DPYD: variants seen among roughly 807,000 people sequenced by gnomAD.
DPYD encodes the protein dihydropyrimidine dehydrogenase [NADP(+)].
In DPYD, 109 loss-of-function variants were observed where a neutral mutation model predicts 116.2. That is an observed-to-expected ratio of 0.94 (90% CI 0.80 to 1.10). DPYD has a LOEUF of 1.10. DPYD is among the 50% of genes least tolerant of loss of function. DPYD has a pLI of 0.00. For missense variants in DPYD, 1,302 were observed against 1,254.5 expected, an observed-to-expected ratio of 1.04 and a Z score of -0.57; for synonymous variants, 440 against 432.0, an observed-to-expected ratio of 1.02 and a Z score of -0.23.
intron 1 of DPYD, among the ~76,000 whole-genome samples, chr1:97,906,512 C>G (rs777697079): frequency 6.6e-6 from 1 of 151,990 alleles, no homozygotes; most frequent in Non-Finnish European, 1.5e-5. Flanking sequence ...CAAGATACAG[C>G]AAGTACTTAA....
At position 97,291,683 on chromosome 1, in the gene DPYD, G is replaced by C. The variant is rs142183654; in HGVS notation, c.2299+13576C>G. Among the ~76,000 whole-genome samples, 1,053 of 151,444 alleles carry C rather than the reference G, an allele frequency of 7.0e-3. 11 individuals are homozygous for C. Among genetic ancestry groups the C allele is most frequent in the African/African-American group, 0.025 (1,013 of 41,284 alleles). ...ATGGGAACATCACACTCTGGGGACT[G>C]TTGTGGGGTGGGGGGAGTGGGGAGG... is the stretch of plus-strand genomic sequence containing the variant. On this transcript the variant is annotated intron_variant, in intron 18 of 22. Coordinates refer to ENST00000370192, the MANE Select transcript of DPYD (RefSeq NM_000110.4).
chr1:97,643,988 G>A (rs971399432), intron 8 of DPYD, among the ~76,000 whole-genome samples: 1 of 151,988 alleles, frequency 6.6e-6, no homozygotes, highest in African/African-American at 2.4e-5. Flanking sequence ...ATGTAGATGA[G>A]GGATTGATGG....
At chr1:97,436,777 T>C (rs1675495520) in intron 14 of DPYD, among the ~76,000 whole-genome samples, 2 of 152,004 alleles carry the variant, frequency 1.3e-5, no homozygotes, top group African/African-American at 4.8e-5. Context: ...AACTTCATGT[T>C]AATTCCCATG....
intron 13 of DPYD, among the ~76,000 whole-genome samples, chr1:97,476,027 A>G (rs1462039593): frequency 6.6e-6 from 1 of 152,232 alleles, no homozygotes; most frequent in Admixed American, 6.5e-5. Context: ...GTCATGGGCT[A>G]GCAAGGTAAC....
At chr1:97,642,859 T>C (rs764771246) in intron 8 of DPYD, among the ~76,000 whole-genome samples, 1 of 151,532 alleles carries the variant, frequency 6.6e-6, no homozygotes, top group Non-Finnish European at 1.5e-5. Flanking sequence ...TGTGCACATG[T>C]ACCCTAAAAC....
chr1:97,512,038 A>G (rs1006693060), intron 13 of DPYD, among the ~76,000 whole-genome samples: 1 of 151,886 alleles, frequency 6.6e-6, no homozygotes, highest in Admixed American at 6.6e-5. Context: ...AAAACATTCA[A>G]TTCTTTTATG....
intron 3 of DPYD, among the ~76,000 whole-genome samples, chr1:97,778,462 A>G (rs889931082): frequency 1.3e-5 from 2 of 152,108 alleles, no homozygotes; most frequent in African/African-American, 4.8e-5. Context: ...AAGAAATTAA[A>G]CTTACTCTAT....
intron 12 of DPYD, among the ~76,000 whole-genome samples, chr1:97,534,736 C>T (rs781710652): frequency 6.6e-6 from 1 of 152,068 alleles, no homozygotes; most frequent in Non-Finnish European, 1.5e-5. Context: ...TGGCCAACTA[C>T]ATCTTAACCA....
At position 97,420,294 on chromosome 1, in the gene DPYD, G is replaced by A. The variant is rs76429682; in HGVS notation, c.1905+29765C>T. Among the ~76,000 whole-genome samples the A allele has an allele frequency of 2.0e-4, 30 of 152,306 alleles. No individual in the cohort carries two copies. The East Asian group carries it at 3.3e-3, about 17-fold the overall frequency. On this transcript the variant is annotated intron_variant, in intron 14 of 22. Coordinates refer to ENST00000370192, the MANE Select transcript of DPYD (RefSeq NM_000110.4). Reference sequence around the variant, plus strand: ...TGCAGATACTGCGTCGAAGGGAGGCGAGTGGATCTGAGCAGCAAATTGAAG... The same window carrying A: ...TGCAGATACTGCGTCGAAGGGAGGCAAGTGGATCTGAGCAGCAAATTGAAG...
chr1:97,623,941 C>A (rs1656776839), intron 8 of DPYD, among the ~76,000 whole-genome samples: 2 of 151,676 alleles, frequency 1.3e-5, no homozygotes, highest in South Asian at 4.1e-4. Flanking sequence ...TGTAGAAGAA[C>A]AAAATTTGAC....
At chr1:97,295,732 G>A (rs1666488644) in intron 18 of DPYD, 1 of 982,062 alleles carries the variant, frequency 1.0e-6, no homozygotes. Flanking sequence ...CTCTCAGCCT[G>A]ATAATTTTCT....
At chr1:97,286,016 C>T (rs527391063) in intron 18 of DPYD, among the ~76,000 whole-genome samples, 6 of 152,230 alleles carry the variant, frequency 3.9e-5, no homozygotes, top group South Asian at 2.1e-4. Context: ...TTCCTAGTCT[C>T]GATAATCTTT....
intron 2 of DPYD, among the ~76,000 whole-genome samples, chr1:97,879,852 G>T (rs1558027646): frequency 2.0e-5 from 3 of 151,714 alleles, no homozygotes; most frequent in Non-Finnish European, 2.9e-5. Context: ...TCAATACAGT[G>T]CCTGAAATAA....
chr1:97,169,635 C>T (rs79160168), intron 20 of DPYD, among the ~76,000 whole-genome samples: 2,899 of 151,762 alleles, frequency 0.019, 91 homozygotes, highest in African/African-American at 0.067. Context: ...AAAATACTTC[C>T]ACACTTTCCT....
At chr1:97,196,309 T>C (rs576640164) in intron 19 of DPYD, among the ~76,000 whole-genome samples, 73 of 152,008 alleles carry the variant, frequency 4.8e-4, no homozygotes, top group African/African-American at 1.4e-3. Flanking sequence ...TTTATTCTTA[T>C]AGAGATGAGG....
chr1:97,196,885 T>A (rs1054434855), intron 19 of DPYD, among the ~76,000 whole-genome samples: 16 of 152,184 alleles, frequency 1.1e-4, no homozygotes, highest in African/African-American at 3.9e-4. Flanking sequence ...TTTTTAAAAA[T>A]TTAATCAAGT....
chr1:97,329,598 A>C (rs914690642), intron 16 of DPYD, among the ~76,000 whole-genome samples: 1 of 151,434 alleles, frequency 6.6e-6, no homozygotes, highest in South Asian at 2.1e-4. Flanking sequence ...AATTAAAAAA[A>C]CAAAATTAGC....
intron 20 of DPYD, among the ~76,000 whole-genome samples, chr1:97,172,167 TTATC>T (rs1402256108): frequency 1.3e-5 from 2 of 152,192 alleles, no homozygotes; most frequent in Non-Finnish European, 2.9e-5. Flanking sequence ...GGTGATGGTG[TTATC>T]TTTCTTCGTA....
intron 20 of DPYD, among the ~76,000 whole-genome samples, chr1:97,111,885 GT>G: frequency 6.6e-6 from 1 of 152,064 alleles, no homozygotes; most frequent in South Asian, 2.1e-4. Flanking sequence ...ACTTAGTCGT[GT>G]TTTACTTAAC....
Sources: allele counts gnomAD v4.1 joint callset (sites outside exome capture counted in the v4.1 genomes callset), GRCh38; gene constraint gnomAD v4.1.1; transcripts MANE v1.5; gene names NCBI Gene and HGNC (gene_info 2026-07-23, HGNC 2026-07-21).